FER1L5: variants seen among roughly 807,000 people sequenced by gnomAD.
The protein encoded by FER1L5 is fer-1-like protein 5.
FER1L5 carries 187 observed loss-of-function variants against 279.9 expected under a neutral mutation model. The ratio of observed to expected loss-of-function variants is 0.67; its 90% confidence interval spans 0.59 to 0.75. The LOEUF (loss-of-function observed/expected upper bound fraction) is 0.75, where lower values mean the gene tolerates loss of function less well. Among genes scored for constraint, FER1L5 ranks in the 30% least tolerant of loss-of-function variants. The pLI is 0.00. For missense variants in FER1L5, 2,091 were observed against 2,594.4 expected, an observed-to-expected ratio of 0.81 and a Z score of 4.21; for synonymous variants, 921 against 989.7, an observed-to-expected ratio of 0.93 and a Z score of 1.30.
chr2:96,658,966 G>T (rs926815701), intron 9 of FER1L5, among the ~76,000 whole-genome samples: 3 of 151,738 alleles, frequency 2.0e-5, no homozygotes, highest in Non-Finnish European at 4.4e-5. Flanking sequence ...GTTTTTTTGG[G>T]ACGGAGTCTC....
rs1237633494 is a variant in FER1L5, at chr2:96,691,553, AG to A, written c.3018del (p.Arg1006SerfsTer24). ...GTTCCGCCGCCGCTGCTGGCGCCGC[AG>A]GCTGGCCCCCAACAAGGACAAGGGC... ...SRFRRRCWRR[R>X]LAPNKDKGIA... is the part of the protein sequence containing the mutation. On this transcript the variant is annotated frameshift_variant, in exon 29 of 53. Transcript: ENST00000624922. LOFTEE classifies it high-confidence loss of function. The surrounding 1 kb of genome is among the most constrained non-coding windows in gnomAD (Gnocchi z 6.0). The A allele has an allele frequency of 6.5e-7, 1 of 1,549,308 alleles. No homozygotes were observed. Among genetic ancestry groups the A allele is most frequent in the South Asian group, 1.2e-5 (1 of 83,744 alleles).
At chr2:96,648,820 T>C (rs2075245810) in intron 4 of FER1L5, among the ~76,000 whole-genome samples, 1 of 152,228 alleles carries the variant, frequency 6.6e-6, no homozygotes. Flanking sequence ...GTCTGTGACT[T>C]ACAATGGATG....
Position 96,687,821 on chromosome 2 carries a change from A to G in FER1L5, c.2235A>G (p.Pro745=), listed in dbSNP as rs2076988355. The G allele has an allele frequency of 1.9e-6, 3 of 1,551,106 alleles. No individual in the cohort carries two copies. The highest frequency in any genetic ancestry group is 2.6e-6 in the Non-Finnish European group (3 of 1,146,934). Residue 745 remains proline, a synonymous_variant, in exon 24 of 53, where the codon CCA becomes CCG. Coordinates refer to ENST00000624922, the MANE Select transcript of FER1L5 (RefSeq NM_001293083.2). The stretch of plus-strand genomic sequence containing the variant: ...CCGATCGGCCTCTGGCTCAGTACCC[A>G]GAGGGTGAAGGACAGAAGGATGTGC... ...GKIQTLFLQY[P]EGEGQKDVLP...
intron 14 of FER1L5, among the ~76,000 whole-genome samples, chr2:96,664,151 G>A (rs2076048610): frequency 1.3e-5 from 2 of 151,386 alleles, no homozygotes; most frequent in African/African-American, 2.4e-5. Context: ...GAGAGAGAGA[G>A]AGGAAGGAGA....
In FER1L5 at chr2:96,704,092, A is replaced by C. The variant is rs2077693131; in HGVS notation, c.5802-123A>C. On this transcript the variant is annotated intron_variant, in intron 51 of 52. Coordinates refer to ENST00000624922, the MANE Select transcript of FER1L5 (RefSeq NM_001293083.2). ...CGGCCTCCCAAAATGCTGGGATTAC[A>C]GGCGTGAGACACTGTGCCTGGCCCA... The C allele has an allele frequency of 1.6e-5, 19 of 1,195,702 alleles. No homozygotes were observed. The South Asian group carries it at 2.0e-4, about 13-fold the overall frequency. The allele number at this position is 1,195,702 out of a possible 1,614,324, so 74.1% of individuals were successfully genotyped here. A position where few individuals can be genotyped will look rare whatever the true frequency, so the allele number is the denominator to read the frequency against.
chr2:96,661,720 A>G lies in FER1L5; in HGVS notation c.947A>G (p.Lys316Arg), dbSNP rs1368452361. The stretch of plus-strand genomic sequence containing the variant: ...GATGACACCGATATTCAGATCTTCA[A>G]GTCAGCGGTAGTCCCGATCAACATG... ...GTDDTDIQIFKSAVVPINMAY... is the reference protein window; with the variant it reads ...GTDDTDIQIFRSAVVPINMAY... The change falls in exon 12 of 53, where the codon AAG becomes AGG. Residue 316 changes from lysine to arginine, a missense_variant. Transcript: ENST00000624922. The G allele has an allele frequency of 1.9e-6, 3 of 1,551,598 alleles. No individual in the cohort carries two copies. The highest frequency in any genetic ancestry group is 2.7e-5 in the African/African-American group (2 of 73,052).
chr2:96,677,271 CTTGCT>C (rs2076544371), intron 19 of FER1L5, among the ~76,000 whole-genome samples: 1 of 152,154 alleles, frequency 6.6e-6, no homozygotes, highest in South Asian at 2.1e-4. Context: ...ACAGAATTCT[CTTGCT>C]TTGTAGTGAC....
chr2:96,659,545 G>A (rs1442908248), intron 9 of FER1L5, among the ~76,000 whole-genome samples: 2 of 145,090 alleles, frequency 1.4e-5, no homozygotes. Flanking sequence ...AGGCTGGAGA[G>A]CAGTGGCGCA....
rs147846033 is a variant in FER1L5 at position 96,657,983 on chromosome 2, A to T, written c.748-2358A>T. On this transcript the variant is annotated intron_variant, in intron 9 of 52. Transcript: ENST00000624922. Reference sequence around the variant, plus strand: ...AAATATGTAGAAGCAGAATGACTAAATCATATGGTAGGTATATGTGGTATA... The same window carrying T: ...AAATATGTAGAAGCAGAATGACTAATTCATATGGTAGGTATATGTGGTATA... Among the ~76,000 whole-genome samples the T allele has an allele frequency of 9.9e-5, 15 of 152,040 alleles. No individual in the cohort carries two copies. In the East Asian group the frequency reaches 2.1e-3, roughly 22 times the overall value.
At chr2:96,646,646 C>G (rs532053300) in intron 2 of FER1L5, among the ~76,000 whole-genome samples, 193 bp downstream of exon 2, 3 of 152,168 alleles carry the variant, frequency 2.0e-5, no homozygotes, top group Admixed American at 2.0e-4. Flanking sequence ...CACCTGCCCA[C>G]GACTGTTCGT....
rs768728046 is a variant in FER1L5, at chr2:96,668,946, G to T, written c.1245G>T (p.Ser415=). Residue 415 remains serine (S), a synonymous_variant, in exon 16 of 53, where the codon TCG becomes TCT. Transcript: ENST00000624922. ...GTASLSLNQI[S]STGEEIEGVY... ...CCAGCCTGTCCCTCAACCAGATCTC[G>T]TCCACCGGAGAAGAGATAGAAGGCA... 10 of 1,551,434 alleles carry T rather than the reference G, an allele frequency of 6.4e-6. No individual in the cohort carries two copies. Among genetic ancestry groups the T allele is most frequent in the South Asian group, 1.2e-5 (1 of 84,054 alleles).
chr2:96,670,981 C>T (rs537588418), intron 18 of FER1L5, among the ~76,000 whole-genome samples: 32 of 151,194 alleles, frequency 2.1e-4, no homozygotes, highest in Non-Finnish European at 3.8e-4. Flanking sequence ...GTGGCTTGCG[C>T]CTGTAGTCCC....
At position 96,698,154 on chromosome 2, in the gene FER1L5, A is replaced by G; in HGVS notation, c.4354A>G (p.Lys1452Glu). ...GGACAGCCCCGTGGTAGGGGAGTTCAAGGTGTGTGTCCACCCCAGCTTAGC... is the reference window on the plus strand; with the variant it reads ...GGACAGCCCCGTGGTAGGGGAGTTCGAGGTGTGTGTCCACCCCAGCTTAGC... ...KLDSPVVGEF[K>E]GLFRIYPFPE... The change falls in exon 40 of 53, where the codon AAG becomes GAG. Residue 1452 changes from lysine to glutamate, a missense_variant and splice_region_variant. Lys to Glu is a moderately conservative substitution (Grantham distance 56, BLOSUM62 1). Coordinates refer to ENST00000624922, the MANE Select transcript of FER1L5 (RefSeq NM_001293083.2). The surrounding 1 kb of genome is among the most constrained non-coding windows in gnomAD (Gnocchi z 5.5). 6.4e-7 allele frequency: 1 copy of G among 1,559,358 alleles called. No homozygotes were observed. Among genetic ancestry groups the G allele is most frequent in the Non-Finnish European group, 8.7e-7 (1 of 1,151,514 alleles).
At chr2:96,662,093 GT>G in intron 12 of FER1L5, 121 bp from the exon 13 acceptor site, 2 of 991,960 alleles carry the variant, frequency 2.0e-6, no homozygotes, top group Non-Finnish European at 3.1e-6. Context: ...CTGGAGACAG[GT>G]CTGCCCAGGG....
intron 23 of FER1L5, 82 bp downstream of exon 23, chr2:96,686,432 T>C (rs541161239): frequency 2.4e-4 from 345 of 1,437,478 alleles, no homozygotes; most frequent in Middle Eastern, 2.3e-3. Context: ...GGGCAGCCCC[T>C]ATGGGGCCTG....
intron 1 of FER1L5, 71 bp from the exon 2 acceptor site, chr2:96,646,330 C>T: frequency 6.6e-7 from 1 of 1,511,348 alleles, no homozygotes; most frequent in South Asian, 1.2e-5. Flanking sequence ...TCCTACTTCT[C>T]TTTACCCCAC....
chr2:96,679,019 A>G (rs576907603), intron 19 of FER1L5, among the ~76,000 whole-genome samples: 1 of 152,078 alleles, frequency 6.6e-6, no homozygotes, highest in Non-Finnish European at 1.5e-5. Flanking sequence ...TCTTTGGTTA[A>G]CTCATGATTG....
At chr2:96,653,260 T>G in intron 7 of FER1L5, 1 of 232,402 alleles carries the variant, frequency 4.3e-6, no homozygotes, top group South Asian at 5.1e-5. Context: ...TGGGGGAGCA[T>G]GAGAGAAGTG....
Position 96,689,287 on chromosome 2 carries a change from C to T in FER1L5, c.2436C>T (p.Val812=). ...ATCACTGCCCCAACTTCTCGGATGT[C>T]ATGGGGAACAAGACCCTCCCCATGA... The part of the protein sequence containing the change: ...GLYHCPNFSD[V]MGNKTLPMTD... The change falls in exon 25 of 53, where the codon GTC becomes GTT. Residue 812 remains valine, a synonymous_variant. Transcript: ENST00000624922. This position sits in a 1 kb window ranked among gnomAD's most constrained non-coding sequence, Gnocchi z 4.6. 1 of 1,550,506 alleles carries T rather than the reference C, an allele frequency of 6.4e-7. No homozygotes were observed. The highest frequency in any genetic ancestry group is 8.7e-7 in the Non-Finnish European group (1 of 1,146,696).
Sources: gnomAD v4.1 joint callset for allele counts (sites outside exome capture counted in the v4.1 genomes callset) on GRCh38, gnomAD v4.1.1 for gene constraint, Gnocchi (gnomAD v3.1) non-coding constraint, MANE v1.5 for transcripts, NCBI Gene and HGNC (gene_info 2026-07-23, HGNC 2026-07-21) for gene names.